Variants in NTN1 observed in about 807,000 individuals in gnomAD.
The protein encoded by NTN1 is netrin-1.
In NTN1, 11 loss-of-function variants were observed where a neutral mutation model predicts 54.2. The ratio of observed to expected loss-of-function variants is 0.20; its 90% CI spans 0.13 to 0.34. The LOEUF (loss-of-function observed/expected upper bound fraction) is 0.34, where lower values mean the gene tolerates loss of function less well. NTN1 is among the 10% of genes least tolerant of loss of function. The pLI is 1.00. For missense variants in NTN1, 740 were observed against 893.1 expected (o/e 0.83, Z 2.18); for synonymous variants, 371 against 382.0 (o/e 0.97, Z 0.33).
At chr17:9,106,531 T>TCCTTCCTTCCTTCCTTCC (rs2092167538) in intron 2 of NTN1, among the ~76,000 whole-genome samples, 1 of 140,644 alleles carries the variant, frequency 7.1e-6, no homozygotes, top group African/African-American at 2.7e-5. Context: ...CTTCCTTCCT[T>TCCTTCCTTCCTTCCTTCC]TCGACAGAGT....
At chr17:9,183,360 C>G (rs928064850) in intron 5 of NTN1, 1 of 496,386 alleles carries the variant, frequency 2.0e-6, no homozygotes, top group Non-Finnish European at 4.1e-6. Flanking sequence ...GGCACAGGGT[C>G]GCACAAGCAG....
rs1298980769 is a variant in NTN1 at position 9,239,593 on chromosome 17, A to T, written c.1487-47A>T. ...CCCCAGGCTCAGGCAGGGCGGACCTAGCCACAGCAGCTGGGAGCCCACCCG... is the reference window on the plus strand; with the variant it reads ...CCCCAGGCTCAGGCAGGGCGGACCTTGCCACAGCAGCTGGGAGCCCACCCG... On this transcript the variant is annotated intron_variant, in intron 6 of 6. Transcript: ENST00000173229. This position sits in a 1 kb window ranked among gnomAD's most constrained non-coding sequence, Gnocchi z 5.2. 1.9e-6 allele frequency: 3 copies of T among 1,574,940 alleles called. No individual in the cohort carries two copies. The highest frequency in any genetic ancestry group is 2.6e-6 in the Non-Finnish European group (3 of 1,151,302).
rs1430843255 is a variant in NTN1, at chr17:9,165,878, G to T, written c.1207+2877G>T. On this transcript the variant is annotated intron_variant, in intron 3 of 6. Coordinates refer to ENST00000173229, the MANE Select transcript of NTN1 (RefSeq NM_004822.3). The surrounding 1 kb of genome is among the most constrained non-coding windows in gnomAD (Gnocchi z 4.5). ...CCCAGAGATCTCTGCTTCATGATTG[G>T]CAAGAAAATATCTACTCTCTGATTG... Among the ~76,000 whole-genome samples the T allele has an allele frequency of 6.6e-6, 1 of 152,132 alleles. No homozygotes were observed. The highest frequency in any genetic ancestry group is 1.9e-4 in the East Asian group (1 of 5,190).
chr17:9,231,303 G>GGGA (rs1555579605), intron 6 of NTN1, among the ~76,000 whole-genome samples: 3 of 152,070 alleles, frequency 2.0e-5, no homozygotes, highest in Non-Finnish European at 4.4e-5. Flanking sequence ...CCCGGGGGGG[G>GGGA]ACCCCAGCCT....
chr17:9,176,376 G>A (rs551464155), intron 3 of NTN1: 1 of 152,360 alleles, frequency 6.6e-6, no homozygotes, highest in African/African-American at 2.4e-5. Flanking sequence ...TGTGTTAGTA[G>A]GAACTTTGAT....
chr17:9,101,420 G>A (rs2092149909), intron 2 of NTN1, among the ~76,000 whole-genome samples: 1 of 152,200 alleles, frequency 6.6e-6, no homozygotes. Context: ...TTGTTCTGAA[G>A]AATTGCACAC....
At chr17:9,072,845 A>G (rs1050698960) in intron 2 of NTN1, among the ~76,000 whole-genome samples, 1 of 152,232 alleles carries the variant, frequency 6.6e-6, no homozygotes, top group Non-Finnish European at 1.5e-5. Flanking sequence ...GGCCTCTCCT[A>G]GTCGGGGAAC....
chr17:9,195,192 A>ACCACCCCT (rs1555575165), intron 5 of NTN1, among the ~76,000 whole-genome samples: 34 of 142,520 alleles, frequency 2.4e-4, no homozygotes, highest in South Asian at 1.1e-3. Context: ...GGCGAGCTCT[A>ACCACCCCT]CCACCCCTCC....
At chr17:9,082,226 A>AT (rs1198986690) in intron 2 of NTN1, among the ~76,000 whole-genome samples, 1 of 152,006 alleles carries the variant, frequency 6.6e-6, no homozygotes, top group African/African-American at 2.4e-5. Flanking sequence ...CATCCGGCTA[A>AT]TTTTTTGTAT....
chr17:9,022,578 A>T lies in NTN1; in HGVS notation c.205A>T (p.Thr69Ser), dbSNP rs1453062498. 3 of 1,546,212 alleles carry T rather than the reference A, an allele frequency of 1.9e-6. No individual in the cohort carries two copies. The highest frequency in any genetic ancestry group is 2.6e-6 in the Non-Finnish European group (3 of 1,146,712). ...CGGCAAGGACGTGCGCGTGTCCAGCACCTGCGGCCGGCCCCCGGCGCGCTA... is the reference window on the plus strand; with the variant it reads ...CGGCAAGGACGTGCGCGTGTCCAGCTCCTGCGGCCGGCCCCCGGCGCGCTA... ...AFGKDVRVSS[T>S]CGRPPARYCV... The change falls in exon 2 of 7, where the codon ACC becomes TCC. Residue 69 changes from threonine (T) to serine (S), a missense_variant. Thr to Ser is a moderately conservative substitution (Grantham distance 58). Coordinates refer to ENST00000173229, the MANE Select transcript of NTN1 (RefSeq NM_004822.3).
Position 9,022,571 on chromosome 17 carries a change from G to C in NTN1, c.198G>C (p.Val66=). ...CGGCCTTCGGCAAGGACGTGCGCGTGTCCAGCACCTGCGGCCGGCCCCCGG... is the reference window on the plus strand; with the variant it reads ...CGGCCTTCGGCAAGGACGTGCGCGTCTCCAGCACCTGCGGCCGGCCCCCGG... ...VNAAFGKDVR[V]SSTCGRPPAR... Residue 66 remains valine, a synonymous_variant, in exon 2 of 7, where the codon GTG becomes GTC. Transcript: ENST00000173229. The C allele has an allele frequency of 6.5e-7, 1 of 1,547,414 alleles. No homozygotes were observed. Among genetic ancestry groups the C allele is most frequent in the Non-Finnish European group, 8.7e-7 (1 of 1,147,530 alleles).
intron 2 of NTN1, among the ~76,000 whole-genome samples, chr17:9,055,901 G>T (rs2091977864): frequency 6.7e-6 from 1 of 150,208 alleles, no homozygotes; most frequent in Non-Finnish European, 1.5e-5. Context: ...TTTATTTTTT[G>T]TTTTTTTGTT....
chr17:9,026,824 C>T (rs904849992), intron 2 of NTN1, among the ~76,000 whole-genome samples: 3 of 152,008 alleles, frequency 2.0e-5, no homozygotes, highest in African/African-American at 7.3e-5. Flanking sequence ...AGCATGAGCC[C>T]CTGCCTGGCT....
At chr17:9,070,836 C>T (rs1359960213) in intron 2 of NTN1, among the ~76,000 whole-genome samples, 1 of 152,168 alleles carries the variant, frequency 6.6e-6, no homozygotes, top group Non-Finnish European at 1.5e-5. Flanking sequence ...AGGTGATCTG[C>T]CCGCCTCCGC....
chr17:9,170,641 C>T (rs1597515834), intron 3 of NTN1, among the ~76,000 whole-genome samples: 1 of 152,166 alleles, frequency 6.6e-6, no homozygotes, highest in Non-Finnish European at 1.5e-5. Context: ...AGACCCAGCA[C>T]AGAGAGGTGG....
intron 2 of NTN1, among the ~76,000 whole-genome samples, chr17:9,065,686 G>A (rs2092012985): frequency 1.3e-5 from 2 of 152,198 alleles, no homozygotes; most frequent in Admixed American, 1.3e-4. Context: ...TCAGTAAAAC[G>A]GCAGTGGATG....
intron 2 of NTN1, among the ~76,000 whole-genome samples, chr17:9,112,823 CAA>C (rs386385610): frequency 0.43 from 40,788 of 95,452 alleles, 7,206 homozygotes; most frequent in East Asian, 0.73. Context: ...GACTCCGTCT[CAA>C]AAAAAAAAAA....
At chr17:9,114,221 G>T (rs1303170781) in intron 2 of NTN1, among the ~76,000 whole-genome samples, 6 of 137,872 alleles carry the variant, frequency 4.4e-5, no homozygotes, top group African/African-American at 8.1e-5. Flanking sequence ...ATTATTTATT[G>T]ACTTAAAAGG....
intron 6 of NTN1, among the ~76,000 whole-genome samples, chr17:9,234,232 A>T (rs930623904): frequency 6.6e-6 from 1 of 152,190 alleles, no homozygotes; most frequent in East Asian, 1.9e-4. Flanking sequence ...TGGCTGAGAG[A>T]GTTCTTGGAA....
Sources: allele counts gnomAD v4.1 joint callset (sites outside exome capture counted in the v4.1 genomes callset), GRCh38; gene constraint gnomAD v4.1.1; non-coding constraint Gnocchi (gnomAD v3.1); transcripts MANE v1.5; gene names NCBI Gene and HGNC (gene_info 2026-07-23, HGNC 2026-07-21).